Variants in SIRPB1 observed in about 807,000 individuals in gnomAD.
The protein encoded by SIRPB1 is signal regulatory protein beta 1.
A neutral mutation model predicts 34.1 loss-of-function variants in SIRPB1; 28 were observed. The ratio of observed to expected loss-of-function variants is 0.82; its 90% confidence interval spans 0.61 to 1.12. The LOEUF is 1.12. Ranked by LOEUF, SIRPB1 falls within the 50% of genes most tolerant of loss-of-function variation. SIRPB1 has a pLI of 0.00. For synonymous variants in SIRPB1, 211 were observed against 203.8 expected (o/e 1.04, Z -0.30); for missense variants, 499 against 507.0 (o/e 0.98, Z 0.15).
chr20:1,612,183 C>T (rs1568707354), intron 1 of SIRPB1, among the ~76,000 whole-genome samples: 1 of 70,886 alleles, frequency 1.4e-5, no homozygotes, highest in East Asian at 6.0e-4. Context: ...TTTGTAGACA[C>T]ACAGTTTCAC....
Position 1,571,991 on chromosome 20 carries a change from T to C in SIRPB1, c.480A>G (p.Thr160=). 6.2e-7 allele frequency: 1 copy of C among 1,614,048 alleles called. No individual in the cohort carries two copies. Residue 160 remains threonine, a synonymous_variant, in exon 3 of 6, where the codon ACA becomes ACG. Coordinates refer to ENST00000381605, the MANE Select transcript of SIRPB1 (RefSeq NM_006065.5). ...AGGTGAAGCTCACTGTGTGCTCAGG[T>C]GTGGCCCTCACCGCAGGGCCCGATA... is the stretch of plus-strand genomic sequence containing the variant. ...PVVSGPAVRA[T]PEHTVSFTCE...
Position 1,572,006 on chromosome 20 carries a change from A to G in SIRPB1, c.465T>C (p.Pro155=), listed in dbSNP as rs149312459. 5.2e-4 allele frequency: 836 copies of G among 1,613,972 alleles called. 3 individuals carry two copies. In the African/African-American group the frequency reaches 6.0e-3, roughly 12 times the overall value. The change falls in exon 3 of 6, where the codon CCT becomes CCC. Residue 155 remains proline, a synonymous_variant. Transcript: ENST00000381605. ...AKPSAPVVSG[P]AVRATPEHTV... is the part of the protein sequence containing the mutation. The stretch of plus-strand genomic sequence containing the variant: ...TGTGCTCAGGTGTGGCCCTCACCGC[A>G]GGGCCCGATACCACGGGGGCAGAGG...
intron 1 of SIRPB1, among the ~76,000 whole-genome samples, chr20:1,615,092 G>A (rs1600166046): frequency 6.6e-6 from 1 of 152,068 alleles, no homozygotes; most frequent in African/African-American, 2.4e-5. Flanking sequence ...TTTTTTCTGG[G>A]GTGCTTGTGG....
chr20:1,577,177 G>A (rs569281550), intron 2 of SIRPB1, among the ~76,000 whole-genome samples: 1 of 148,292 alleles, frequency 6.7e-6, no homozygotes, highest in East Asian at 1.9e-4. Flanking sequence ...GGAAACTGAT[G>A]AAAAGAGAAA....
chr20:1,618,679 G>T (rs1030120495), intron 1 of SIRPB1, among the ~76,000 whole-genome samples: 2 of 152,226 alleles, frequency 1.3e-5, no homozygotes, highest in East Asian at 3.9e-4. Context: ...TTGAGAGGCT[G>T]CTGTGCCCAG....
At chr20:1,570,584 C>T in intron 4 of SIRPB1, 1 of 445,012 alleles carries the variant, frequency 2.2e-6, no homozygotes, top group Non-Finnish European at 4.0e-6. Flanking sequence ...AGACTTGACG[C>T]ACAGTTTCTC....
rs144028465 is a variant in SIRPB1, at chr20:1,571,786, T to C, written c.685A>G (p.Ile229Val). The C allele has an allele frequency of 3.7e-4, 592 of 1,614,032 alleles. 1 individual carries two copies. The Middle Eastern group carries it at 3.8e-3, about 10-fold the overall frequency. ...GDVHSQVICE[I>V]AHITLQGDPL... ...TCCCCCTGCAAGGTGATGTGGGCTA[T>C]CTCGCAGATGACTTGAGAGTGAACG... The change falls in exon 3 of 6, where the codon ATA becomes GTA. Residue 229 changes from isoleucine (I) to valine (V), a missense_variant. Transcript: ENST00000381605.
chr20:1,572,229 T>G (rs2091252776), intron 2 of SIRPB1, among the ~76,000 whole-genome samples, 192 bp from the exon 3 acceptor site: 1 of 152,080 alleles, frequency 6.6e-6, no homozygotes, highest in South Asian at 2.1e-4. Flanking sequence ...CAGGCCATGG[T>G]CAGACAGTGA....
chr20:1,563,282 T>C lies in SIRPB1; in HGVS notation c.*2218A>G, dbSNP rs146837004. ...GCCAAGACAGGTGGATCACCTGAGG[T>C]CGGGAGTTCAAGACTAGTCTGATCA... On this transcript the variant is annotated 3_prime_UTR_variant, in exon 6 of 6. Transcript: ENST00000381605. 6.6e-6 allele frequency among the ~76,000 whole-genome samples: 1 copy of C among 152,150 alleles called. No individual in the cohort carries two copies.
intron 4 of SIRPB1, among the ~76,000 whole-genome samples, chr20:1,566,741 T>C (rs2091143070): frequency 6.6e-6 from 1 of 152,024 alleles, no homozygotes; most frequent in Non-Finnish European, 1.5e-5. Context: ...GAATGATTAG[T>C]AAAGGGTGGG....
At position 1,576,465 on chromosome 20, in the gene SIRPB1, C is replaced by T. The variant is rs1305727636; in HGVS notation, c.433+1873G>A. Reference sequence around the variant, plus strand: ...TGCCCACATTCCTTTCTCACAGTTACATCTTCCCATCACTCTAACCTCTTG... The same window carrying T: ...TGCCCACATTCCTTTCTCACAGTTATATCTTCCCATCACTCTAACCTCTTG... On this transcript the variant is annotated intron_variant, in intron 2 of 5. Transcript: ENST00000381605. Among the ~76,000 whole-genome samples the T allele has an allele frequency of 4.7e-5, 7 of 148,328 alleles. No individual in the cohort carries two copies. In the East Asian group the frequency reaches 1.4e-3, roughly 29 times the overall value.
Position 1,566,195 on chromosome 20 carries a change from C to A in SIRPB1, c.1157G>T (p.Gly386Val). 6.2e-7 allele frequency: 1 copy of A among 1,612,394 alleles called. No individual in the cohort carries two copies. The highest frequency in any genetic ancestry group is 8.5e-7 in the Non-Finnish European group (1 of 1,179,342). ...CCAGCAGATGTAGATGGCAGAGACA[C>A]CAACCACCAGTAGCAGCTTGGGGCC... ...LLGPKLLLVV[G>V]VSAIYICWKQ... The change falls in exon 5 of 6, where the codon GGT (glycine) becomes GTT (valine). Residue 386 changes from glycine to valine, a missense_variant. Coordinates refer to ENST00000381605, the MANE Select transcript of SIRPB1 (RefSeq NM_006065.5).
chr20:1,580,114 T>G (rs1467778551), intron 1 of SIRPB1, among the ~76,000 whole-genome samples: 1 of 148,400 alleles, frequency 6.7e-6, no homozygotes, highest in Non-Finnish European at 1.5e-5. Flanking sequence ...AAGCACCATG[T>G]TTTACACCTT....
chr20:1,578,633 A>G lies in SIRPB1; in HGVS notation c.138T>C (p.Ala46=). The change falls in exon 2 of 6, where the codon GCT becomes GCC. Residue 46 remains alanine, a synonymous_variant. Coordinates refer to ENST00000381605, the MANE Select transcript of SIRPB1 (RefSeq NM_006065.5). The stretch of plus-strand genomic sequence containing the variant: ...CACAGCGCAGAGTGGCCGACTCTCC[A>G]GCTGCAACTGATACGGACTTTTCAG... The part of the protein sequence containing the change: ...IQPEKSVSVA[A]GESATLRCAM... 6.3e-7 allele frequency: 1 copy of G among 1,584,318 alleles called. No homozygotes were observed. The highest frequency in any genetic ancestry group is 8.6e-7 in the Non-Finnish European group (1 of 1,157,708).
rs111311541 is a variant in SIRPB1, at chr20:1,612,904, G to T, written c.76+6965C>A. Among the ~76,000 whole-genome samples the T allele has an allele frequency of 3.3e-3, 236 of 71,850 alleles. 104 individuals are homozygous for T. The highest frequency in any genetic ancestry group is 0.02 in the African/African-American group (225 of 11,224). The allele number at this position is 71,850 out of a possible 152,430, so 47.1% of individuals were successfully genotyped here. A position where few individuals can be genotyped will look rare whatever the true frequency, so the allele number is the denominator to read the frequency against. On this transcript the variant is annotated intron_variant, in intron 1 of 5. Transcript: ENST00000381605. ...GTGACTAGGGGTGAACTTAGGGGAGGTGATGGGGAGGTCAAAAGGTATAAA... is the reference window on the plus strand; with the variant it reads ...GTGACTAGGGGTGAACTTAGGGGAGTTGATGGGGAGGTCAAAAGGTATAAA...
In SIRPB1 at chr20:1,569,055, C is replaced by G. The variant is rs564348978; in HGVS notation, c.1084+1750G>C. On this transcript the variant is annotated intron_variant, in intron 4 of 5. Coordinates refer to ENST00000381605, the MANE Select transcript of SIRPB1 (RefSeq NM_006065.5). ...AAGGGTTATGAGAGGATATTATGAA[C>G]AACTCTACACACATAAATATGACAA... is the stretch of plus-strand genomic sequence containing the variant. 2.6e-5 allele frequency among the ~76,000 whole-genome samples: 4 copies of G among 152,276 alleles called. No homozygotes were observed. The South Asian group carries it at 8.3e-4, about 32-fold the overall frequency.
chr20:1,617,753 C>T (rs2091651081), intron 1 of SIRPB1, among the ~76,000 whole-genome samples: 1 of 152,098 alleles, frequency 6.6e-6, no homozygotes, highest in East Asian at 1.9e-4. Context: ...AGGCATTCTG[C>T]AATGTACACA....
chr20:1,567,800 T>G (rs1228831113), intron 4 of SIRPB1, among the ~76,000 whole-genome samples: 1 of 152,236 alleles, frequency 6.6e-6, no homozygotes, highest in Non-Finnish European at 1.5e-5. Flanking sequence ...TTGCTGGGCA[T>G]GAACTCTTGG....
chr20:1,572,063 G>A lies in SIRPB1; in HGVS notation c.434-26C>T, dbSNP rs760955352. On this transcript the variant is annotated intron_variant, in intron 2 of 5. Coordinates refer to ENST00000381605, the MANE Select transcript of SIRPB1 (RefSeq NM_006065.5). ...CTACAAAAGGACCATCGATAATCAGGAGACATGACTCAGATGACCATCACT... is the reference window on the plus strand; with the variant it reads ...CTACAAAAGGACCATCGATAATCAGAAGACATGACTCAGATGACCATCACT... 4 of 1,613,682 alleles carry A rather than the reference G, an allele frequency of 2.5e-6. No homozygotes were observed. In the African/African-American group the frequency reaches 5.3e-5, roughly 22 times the overall value.
Sources: allele counts gnomAD v4.1 joint callset (sites outside exome capture counted in the v4.1 genomes callset), GRCh38; gene constraint gnomAD v4.1.1; transcripts MANE v1.5; gene names NCBI Gene and HGNC (gene_info 2026-07-23, HGNC 2026-07-21).